The following RXRA variants were observed in gnomAD, a reference collection of about 807,000 sequenced individuals.
RXRA encodes retinoic acid receptor RXR-alpha.
In RXRA, 5 loss-of-function variants were observed where a neutral mutation model predicts 44.5. The ratio of observed to expected loss-of-function variants is 0.11; its 90% confidence interval spans 0.06 to 0.24. The LOEUF is 0.24. Among genes scored for constraint, RXRA ranks in the 10% least tolerant of loss-of-function variants. RXRA has a pLI of 1.00. For synonymous variants in RXRA, 291 were observed against 271.4 expected (o/e 1.07, Z -0.71); for missense variants, 412 against 646.5 (o/e 0.64, Z 3.93).
rs921292797 is a variant in RXRA, at chr9:134,349,738, A to G, written c.28+23079A>G. Reference sequence around the variant, plus strand: ...TCTCCCTGGAGGCGCAGGGCTGTGCACAGGATTCCCCAGGGCTGGGCCAGC... The same window carrying G: ...TCTCCCTGGAGGCGCAGGGCTGTGCGCAGGATTCCCCAGGGCTGGGCCAGC... On this transcript the variant is annotated intron_variant, in intron 1 of 9. Transcript: ENST00000481739. This position sits in a 1 kb window ranked among gnomAD's most constrained non-coding sequence, Gnocchi z 4.3. Among the ~76,000 whole-genome samples, 2 of 149,734 alleles carry G rather than the reference A, an allele frequency of 1.3e-5. No homozygotes were observed. The highest frequency in any genetic ancestry group is 4.9e-5 in the African/African-American group (2 of 41,006).
chr9:134,436,384 C>A, intron 9 of RXRA, 83 bp from the exon 10 acceptor site: 2 of 1,405,998 alleles, frequency 1.4e-6, no homozygotes, highest in East Asian at 2.3e-5. Context: ...TCAGACACAG[C>A]CCCATCCCCA....
intron 1 of RXRA, among the ~76,000 whole-genome samples, chr9:134,353,506 C>A (rs1321177373): frequency 1.3e-5 from 2 of 152,230 alleles, no homozygotes; most frequent in Non-Finnish European, 2.9e-5. Context: ...TTTGAGCAAA[C>A]CGTCACTTAC....
At chr9:134,327,655 C>G (rs1373417114) in intron 1 of RXRA, among the ~76,000 whole-genome samples, 1 of 152,178 alleles carries the variant, frequency 6.6e-6, no homozygotes, top group Non-Finnish European at 1.5e-5. Context: ...CCCACCCTCC[C>G]TGCAGCCTGG....
intron 1 of RXRA, among the ~76,000 whole-genome samples, chr9:134,352,514 A>G (rs1588259069): frequency 1.3e-5 from 2 of 152,184 alleles, no homozygotes; most frequent in Admixed American, 1.3e-4. Context: ...AGTGGGCAGC[A>G]GTGGTCACCC....
chr9:134,377,481 G>T (rs1410778534), intron 1 of RXRA, among the ~76,000 whole-genome samples: 1 of 152,148 alleles, frequency 6.6e-6, no homozygotes, highest in Non-Finnish European at 1.5e-5. Flanking sequence ...TGGCATCACC[G>T]CTCGGGAAGG....
chr9:134,387,230 C>T (rs1343345419), intron 1 of RXRA, among the ~76,000 whole-genome samples: 2 of 152,254 alleles, frequency 1.3e-5, no homozygotes, highest in African/African-American at 2.4e-5. Flanking sequence ...GCTCATGTCC[C>T]GTTTCTTTTT....
intron 1 of RXRA, among the ~76,000 whole-genome samples, chr9:134,373,572 A>G (rs1446238539): frequency 6.6e-6 from 1 of 152,144 alleles, no homozygotes; most frequent in Non-Finnish European, 1.5e-5. Flanking sequence ...CCCTGGGCCT[A>G]CCTTCCTTAT....
chr9:134,429,052 G>C, intron 6 of RXRA, 56 bp from the exon 7 acceptor site: 1 of 1,599,910 alleles, frequency 6.3e-7, no homozygotes, highest in South Asian at 1.1e-5. Flanking sequence ...GGCTGGGGAA[G>C]GGGCGAGCCC....
chr9:134,391,337 GGGT>G (rs1451003054), intron 1 of RXRA, among the ~76,000 whole-genome samples: 7 of 152,216 alleles, frequency 4.6e-5, no homozygotes, highest in Non-Finnish European at 1.0e-4. Context: ...GCCGCCCTGA[GGGT>G]GGAAAGCCTG....
rs2119211455 is a variant in RXRA, at chr9:134,433,542, AG to A, written c.1136-555del. Among the ~76,000 whole-genome samples, 2 of 150,108 alleles carry A rather than the reference AG, an allele frequency of 1.3e-5. No individual in the cohort carries two copies. The highest frequency in any genetic ancestry group is 5.0e-5 in the African/African-American group (2 of 39,726). ...CCTTGGGGGCCAAGGTGGCATTCAC[AG>A]GGGGTCCCTGGGCCTTGGAGGTTTT... is the stretch of plus-strand genomic sequence containing the variant. On this transcript the variant is annotated intron_variant, in intron 8 of 9. Transcript: ENST00000481739. The surrounding 1 kb of genome is among the most constrained non-coding windows in gnomAD (Gnocchi z 4.2).
At chr9:134,409,889 T>G (rs887819380) in intron 4 of RXRA, among the ~76,000 whole-genome samples, 1 of 152,104 alleles carries the variant, frequency 6.6e-6, no homozygotes, top group African/African-American at 2.4e-5. Context: ...GGTCTGTCCC[T>G]GTCCCCCCGC....
chr9:134,354,244 T>C (rs557132694), intron 1 of RXRA, among the ~76,000 whole-genome samples: 23 of 152,332 alleles, frequency 1.5e-4, no homozygotes, highest in Non-Finnish European at 3.1e-4. Flanking sequence ...GCTCCCATCC[T>C]GGCCCTGCGG....
rs982162442 is a variant in RXRA at position 134,426,772 on chromosome 9, C to G, written c.911-2336C>G. On this transcript the variant is annotated intron_variant, in intron 6 of 9. Coordinates refer to ENST00000481739, the MANE Select transcript of RXRA (RefSeq NM_002957.6). The surrounding 1 kb of genome is among the most constrained non-coding windows in gnomAD (Gnocchi z 4.6). ...AGGATGTGAGGGAGAGAGGCAGGCCCGAGAGGCCAGGACTGGCCAGGGATG... is the reference window on the plus strand; with the variant it reads ...AGGATGTGAGGGAGAGAGGCAGGCCGGAGAGGCCAGGACTGGCCAGGGATG... The G allele has an allele frequency of 4.1e-6, 4 of 985,242 alleles. No homozygotes were observed. Among genetic ancestry groups the G allele is most frequent in the Non-Finnish European group, 3.6e-6 (3 of 829,916 alleles). 61.0% of individuals were successfully genotyped at this position (985,242 alleles called of 1,614,324 possible).
rs562109156 is a variant in RXRA at position 134,327,090 on chromosome 9, C to T, written c.28+431C>T. On this transcript the variant is annotated intron_variant, in intron 1 of 9. Transcript: ENST00000481739. The stretch of plus-strand genomic sequence containing the variant: ...TGGGCCCCGAGCGGCCTCTGCGCCG[C>T]CCGCCCGTCGGGCTGCGGCTTCTAG... 5.3e-5 allele frequency among the ~76,000 whole-genome samples: 8 copies of T among 152,166 alleles called. 1 individual carries two copies. The South Asian group carries it at 1.7e-3, about 32-fold the overall frequency.
At chr9:134,331,902 G>A (rs1350495519) in intron 1 of RXRA, among the ~76,000 whole-genome samples, 6 of 152,210 alleles carry the variant, frequency 3.9e-5, no homozygotes, top group African/African-American at 1.2e-4. Context: ...GCTGCTCACC[G>A]ACCAGGCTGG....
At chr9:134,429,079 A>T (rs1176457121) in intron 6 of RXRA, 29 bp from the exon 7 acceptor site, 1 of 1,612,234 alleles carries the variant, frequency 6.2e-7, no homozygotes, top group Non-Finnish European at 8.5e-7. Context: ...GCCTGGAGAC[A>T]GCTGAGTGAC....
chr9:134,421,558 G>T, intron 5 of RXRA, 118 bp from the exon 6 acceptor site: 1 of 1,187,476 alleles, frequency 8.4e-7, no homozygotes. Flanking sequence ...GGCATCTTTG[G>T]GGGCCGTATT....
intron 2 of RXRA, chr9:134,404,058 C>G (rs1274382845): frequency 6.6e-6 from 1 of 152,242 alleles, no homozygotes; most frequent in Non-Finnish European, 1.5e-5. Flanking sequence ...GTCTTGGAAC[C>G]CTGGGGTTCC....
intron 6 of RXRA, chr9:134,422,224 A>G (rs1421292334): frequency 2.4e-6 from 3 of 1,263,950 alleles, no homozygotes; most frequent in African/African-American, 1.7e-5. Context: ...CTCCTGGGAC[A>G]TACTCCCCAC....
Sources: gnomAD v4.1 joint callset for allele counts (sites outside exome capture counted in the v4.1 genomes callset) on GRCh38, gnomAD v4.1.1 for gene constraint, Gnocchi (gnomAD v3.1) non-coding constraint, MANE v1.5 for transcripts, NCBI Gene and HGNC (gene_info 2026-07-23, HGNC 2026-07-21) for gene names.